Variants in HOXA13 observed in about 807,000 individuals in gnomAD.
HOXA13 encodes homeobox A13.
A neutral mutation model predicts 25.7 loss-of-function variants in HOXA13; 5 were observed. The ratio of observed to expected loss-of-function variants is 0.19; its 90% CI spans 0.10 to 0.41. The LOEUF (loss-of-function observed/expected upper bound fraction) is 0.41. Among genes scored for constraint, HOXA13 ranks in the 10% least tolerant of loss-of-function variants. The probability of loss-of-function intolerance (pLI) is 1.00; values close to 1 mark genes in which losing one functional copy is unlikely to be tolerated. For missense variants in HOXA13, 557 were observed against 533.5 expected (o/e 1.04, Z -0.43); for synonymous variants, 284 against 241.1 (o/e 1.18, Z -1.65).
chr7:27,197,723 T>C lies in HOXA13; in HGVS notation c.*475A>G, dbSNP rs1380670522. The C allele has an allele frequency of 2.0e-5, 5 of 255,436 alleles. No homozygotes were observed. In the East Asian group the frequency reaches 2.9e-4, roughly 15 times the overall value. 15.8% of individuals were successfully genotyped at this position (255,436 alleles called of 1,614,324 possible). A position where few individuals can be genotyped will look rare whatever the true frequency, so the allele number is the denominator to read the frequency against. ...TGTTTTGCAGAACGTACAACAACGG[T>C]AGGAATTTCACTAAGATTTACCTGA... is the stretch of plus-strand genomic sequence containing the variant. On this transcript the variant is annotated 3_prime_UTR_variant, in exon 2 of 2. Transcript: ENST00000649031.
At position 27,195,588 on chromosome 7, in the gene HOXA13, T is replaced by A. The variant is rs1434764793; in HGVS notation, c.*2610A>T. On this transcript the variant is annotated 3_prime_UTR_variant, in exon 2 of 2. Coordinates refer to ENST00000649031, the MANE Select transcript of HOXA13 (RefSeq NM_000522.5). ...TTATTATTATAGTTTTGATGGAAGT[T>A]GTTAATATTAAACATATTTATTTAT... 6.6e-6 allele frequency: 1 copy of A among 152,226 alleles called. No homozygotes were observed. Among genetic ancestry groups the A allele is most frequent in the African/African-American group, 2.4e-5 (1 of 41,460 alleles). The allele number at this position is 152,226 out of a possible 1,614,324, so 9.4% of individuals were successfully genotyped here.
At chr7:27,199,016 T>C (rs1271079059) in intron 1 of HOXA13, 140 bp downstream of exon 1, 3 of 775,276 alleles carry the variant, frequency 3.9e-6, no homozygotes, top group African/African-American at 1.8e-5. Context: ...CAGCCAGCCA[T>C]GCTCGGGCTC....
rs1315432970 is a variant in HOXA13 at position 27,196,887 on chromosome 7, A to C, written c.*1311T>G. On this transcript the variant is annotated 3_prime_UTR_variant, in exon 2 of 2. Transcript: ENST00000649031. ...TTTTCTGCAGATTTTAATGGCAGTG[A>C]CTATTTTATTAACAATTAATATTAC... 1 of 178,998 alleles carries C rather than the reference A, an allele frequency of 5.6e-6. No homozygotes were observed. Among genetic ancestry groups the C allele is most frequent in the Admixed American group, 6.3e-5 (1 of 15,884 alleles). 11.1% of individuals were successfully genotyped at this position (178,998 alleles called of 1,614,324 possible).
Position 27,199,556 on chromosome 7 carries a change from G to C in HOXA13, c.522C>G (p.Phe174Leu). The C allele has an allele frequency of 6.4e-7, 1 of 1,565,404 alleles. No homozygotes were observed. Among genetic ancestry groups the C allele is most frequent in the Non-Finnish European group, 8.6e-7 (1 of 1,157,140 alleles). Reference sequence around the variant, plus strand: ...GGGCGCACGGGTAGTAGCCGCTGCCGAAGTAGCCATAGGGCAGCGCCGCGG... The same window carrying C: ...GGGCGCACGGGTAGTAGCCGCTGCCCAAGTAGCCATAGGGCAGCGCCGCGG... ...SGPAALPYGY[F>L]GSGYYPCARM... Residue 174 changes from phenylalanine (F) to leucine (L), a missense_variant, in exon 1 of 2, where the codon TTC (phenylalanine) becomes TTG (leucine). Physicochemically the swap from Phe to Leu is conservative, Grantham distance 22. Coordinates refer to ENST00000649031, the MANE Select transcript of HOXA13 (RefSeq NM_000522.5).
intron 1 of HOXA13, 91 bp downstream of exon 1, chr7:27,199,065 A>C: frequency 1.5e-6 from 2 of 1,298,884 alleles, no homozygotes; most frequent in Non-Finnish European, 1.1e-6. Context: ...CAGGAAGAGA[A>C]CAGAAACGCA....
chr7:27,197,248 A>G lies in HOXA13; in HGVS notation c.*950T>C, dbSNP rs1040634921. 1 of 207,672 alleles carries G rather than the reference A, an allele frequency of 4.8e-6. No individual in the cohort carries two copies. The highest frequency in any genetic ancestry group is 2.3e-5 in the African/African-American group (1 of 43,966). 12.9% of individuals were successfully genotyped at this position (207,672 alleles called of 1,614,324 possible). A position where few individuals can be genotyped will look rare whatever the true frequency, so the allele number is the denominator to read the frequency against. On this transcript the variant is annotated 3_prime_UTR_variant, in exon 2 of 2. Coordinates refer to ENST00000649031, the MANE Select transcript of HOXA13 (RefSeq NM_000522.5). Reference sequence around the variant, plus strand: ...ATTCTGAGTTTTCTAAAAAAGAAAAAAGAAAAATGATTTCTCCAGCAAATG... The same window carrying G: ...ATTCTGAGTTTTCTAAAAAAGAAAAGAGAAAAATGATTTCTCCAGCAAATG...
Position 27,199,913 on chromosome 7 carries a change from G to GC in HOXA13, c.164dup (p.Gly56ArgfsTer171). ...CAGCCGCCGGGTGGGGGAAGCCCCC[G>GC]CCCCCGGCCCCGGCAGCCGCCGCCG... On this transcript the variant is annotated frameshift_variant, in exon 1 of 2. Transcript: ENST00000649031. LOFTEE classifies it high-confidence loss of function. The GC allele has an allele frequency of 8.7e-7, 1 of 1,149,404 alleles. No homozygotes were observed. The highest frequency in any genetic ancestry group is 1.1e-6 in the Non-Finnish European group (1 of 925,094). The allele number at this position is 1,149,404 out of a possible 1,614,324, so 71.2% of individuals were successfully genotyped here.
At position 27,200,006 on chromosome 7, in the gene HOXA13, G is replaced by A; in HGVS notation, c.72C>T (p.Gly24=). 3 of 1,483,772 alleles carry A rather than the reference G, an allele frequency of 2.0e-6. No individual in the cohort carries two copies. Among genetic ancestry groups the A allele is most frequent in the Admixed American group, 3.8e-5 (2 of 52,220 alleles). The allele number at this position is 1,483,772 out of a possible 1,614,324, so 91.9% of individuals were successfully genotyped here. Reference sequence around the variant, plus strand: ...TGTTGAGCTCGTCGGCCACCAGGCCGCCGCCGTTGTCGTAGAGAAACATGA... The same window carrying A: ...TGTTGAGCTCGTCGGCCACCAGGCCACCGCCGTTGTCGTAGAGAAACATGA... ...PTVMFLYDNG[G]GLVADELNKN... Residue 24 remains glycine, a synonymous_variant, in exon 1 of 2, where the codon GGC becomes GGT. Transcript: ENST00000649031.
Position 27,197,734 on chromosome 7 carries a change from C to G in HOXA13, c.*464G>C, listed in dbSNP as rs1784019868. 1 of 254,158 alleles carries G rather than the reference C, an allele frequency of 3.9e-6. No individual in the cohort carries two copies. Among genetic ancestry groups the G allele is most frequent in the Admixed American group, 4.9e-5 (1 of 20,260 alleles). 15.7% of individuals were successfully genotyped at this position (254,158 alleles called of 1,614,324 possible). ...ACGTACAACAACGGTAGGAATTTCA[C>G]TAAGATTTACCTGAGCAGACGCTTA... On this transcript the variant is annotated 3_prime_UTR_variant, in exon 2 of 2. Transcript: ENST00000649031.
Position 27,198,098 on chromosome 7 carries a change from C to T in HOXA13, c.*100G>A. Reference sequence around the variant, plus strand: ...CCAGTCTCTGTCTCTTTCTCTTTCCCATTCTTCAATTATTATTAAGCATTA... The same window carrying T: ...CCAGTCTCTGTCTCTTTCTCTTTCCTATTCTTCAATTATTATTAAGCATTA... On this transcript the variant is annotated 3_prime_UTR_variant, in exon 2 of 2. Coordinates refer to ENST00000649031, the MANE Select transcript of HOXA13 (RefSeq NM_000522.5). 1 of 1,312,116 alleles carries T rather than the reference C, an allele frequency of 7.6e-7. No homozygotes were observed. The highest frequency in any genetic ancestry group is 1.5e-5 in the African/African-American group (1 of 68,300). The allele number at this position is 1,312,116 out of a possible 1,614,324, so 81.3% of individuals were successfully genotyped here.
In HOXA13 at chr7:27,197,378, T is replaced by A. The variant is rs887491765; in HGVS notation, c.*820A>T. On this transcript the variant is annotated 3_prime_UTR_variant, in exon 2 of 2. Transcript: ENST00000649031. ...AACTCTCGGGAGATCTCACATAAAG[T>A]GAATTCTGTGGATCATCTGATGATG... 11 of 214,510 alleles carry A rather than the reference T, an allele frequency of 5.1e-5. No homozygotes were observed. The highest frequency in any genetic ancestry group is 1.8e-4 in the Admixed American group (3 of 17,092). 13.3% of individuals were successfully genotyped at this position (214,510 alleles called of 1,614,324 possible).
chr7:27,198,784 C>T (rs1784041810), intron 1 of HOXA13: 2 of 481,100 alleles, frequency 4.2e-6, no homozygotes, highest in East Asian at 7.5e-5. Context: ...GTGCCCGTCC[C>T]AATACTCGAA....
chr7:27,197,889 T>C lies in HOXA13; in HGVS notation c.*309A>G, dbSNP rs529737004. The C allele has an allele frequency of 2.2e-6, 1 of 457,092 alleles. No individual in the cohort carries two copies. Among genetic ancestry groups the C allele is most frequent in the South Asian group, 2.3e-5 (1 of 43,864 alleles). The allele number at this position is 457,092 out of a possible 1,614,324, so 28.3% of individuals were successfully genotyped here. A position where few individuals can be genotyped will look rare whatever the true frequency, so the allele number is the denominator to read the frequency against. Reference sequence around the variant, plus strand: ...AAAATGTAACGATCACTTAAATACTTACAAGATTTCAGTAACTGCGTAACT... The same window carrying C: ...AAAATGTAACGATCACTTAAATACTCACAAGATTTCAGTAACTGCGTAACT... On this transcript the variant is annotated 3_prime_UTR_variant, in exon 2 of 2. Coordinates refer to ENST00000649031, the MANE Select transcript of HOXA13 (RefSeq NM_000522.5).
Position 27,199,833 on chromosome 7 carries a change from G to A in HOXA13, c.245C>T (p.Ala82Val). The part of the protein sequence containing the change: ...VAAAAAAAAA[A>V]AANQCRNLMA... ...CAGGTTGCGGCACTGGTTGGCCGCGGCCGCCGCCGCAGCCGCGGCCGCCGC... is the reference window on the plus strand; with the variant it reads ...CAGGTTGCGGCACTGGTTGGCCGCGACCGCCGCCGCAGCCGCGGCCGCCGC... Residue 82 changes from alanine to valine, a missense_variant, in exon 1 of 2, where the codon GCC becomes GTC. By Grantham distance (64) the Ala-to-Val change is moderately conservative (BLOSUM62 0). Coordinates refer to ENST00000649031, the MANE Select transcript of HOXA13 (RefSeq NM_000522.5). 2.0e-6 allele frequency: 2 copies of A among 988,668 alleles called. No homozygotes were observed. The highest frequency in any genetic ancestry group is 2.4e-6 in the Non-Finnish European group (2 of 833,076). 61.2% of individuals were successfully genotyped at this position (988,668 alleles called of 1,614,324 possible).
rs1292684722 is a variant in HOXA13 at position 27,198,321 on chromosome 7, A to G, written c.1044T>C (p.Thr348=). 6.2e-7 allele frequency: 1 copy of G among 1,614,192 alleles called. No homozygotes were observed. The highest frequency in any genetic ancestry group is 8.5e-7 in the Non-Finnish European group (1 of 1,180,042). Residue 348 remains threonine, a synonymous_variant, in exon 2 of 2, where the codon ACT becomes ACC. Coordinates refer to ENST00000649031, the MANE Select transcript of HOXA13 (RefSeq NM_000522.5). ...EREYATNKFI[T]KDKRRRISAT... ...CTGATATCCGCCTCCGTTTGTCCTT[A>G]GTAATGAATTTATTCGTGGCGTATT... is the stretch of plus-strand genomic sequence containing the variant.
chr7:27,199,896 G>T lies in HOXA13; in HGVS notation c.182C>A (p.Pro61Gln), dbSNP rs1343509954. 1.9e-5 allele frequency: 21 copies of T among 1,101,412 alleles called. No individual in the cohort carries two copies. The highest frequency in any genetic ancestry group is 2.3e-5 in the Non-Finnish European group (21 of 900,966). The allele number at this position is 1,101,412 out of a possible 1,614,324, so 68.2% of individuals were successfully genotyped here. A position where few individuals can be genotyped will look rare whatever the true frequency, so the allele number is the denominator to read the frequency against. The change falls in exon 1 of 2, where the codon CCG becomes CAG. Residue 61 changes from proline (P) to glutamine (Q), a missense_variant. Coordinates refer to ENST00000649031, the MANE Select transcript of HOXA13 (RefSeq NM_000522.5). ...GTTGCCCCCTGCCGCCGCAGCCGCC[G>T]GGTGGGGGAAGCCCCCGCCCCCGGC... Reference protein sequence around the residue: ...AGAGGGGFPHPAAAAAGGNFS... With the variant: ...AGAGGGGFPHQAAAAAGGNFS...
At chr7:27,198,872 A>T in intron 1 of HOXA13, 1 of 505,278 alleles carries the variant, frequency 2.0e-6, no homozygotes, top group Non-Finnish European at 3.5e-6. Flanking sequence ...TCAATTTCTC[A>T]TCCTTAAATT....
chr7:27,198,525 C>A lies in HOXA13; in HGVS notation c.923-83G>T, dbSNP rs558767863. 1.2e-5 allele frequency: 18 copies of A among 1,563,944 alleles called. No individual in the cohort carries two copies. In the South Asian group the frequency reaches 1.8e-4, roughly 15 times the overall value. ...GCGACAGCTCGATCTGAGCCACCCG[C>A]CTTGCAGCGCCCGGCTGCTCTTTGC... On this transcript the variant is annotated intron_variant, in intron 1 of 1. Transcript: ENST00000649031.
Position 27,198,236 on chromosome 7 carries a change from C to A in HOXA13, c.1129G>T (p.Glu377Ter). The A allele has an allele frequency of 6.2e-7, 1 of 1,614,136 alleles. No individual in the cohort carries two copies. The highest frequency in any genetic ancestry group is 1.1e-5 in the South Asian group (1 of 91,078). Residue 377 changes from glutamate to a stop codon, truncating the protein, a stop_gained, in exon 2 of 2, where the codon GAG becomes TAG. Coordinates refer to ENST00000649031, the MANE Select transcript of HOXA13 (RefSeq NM_000522.5). LOFTEE classifies it high-confidence loss of function. ...TTCAGTTTGTTGATGACTTTTTTCTCTTTAACCCTCCTGTTCTGGAACCAG... is the reference window on the plus strand; with the variant it reads ...TTCAGTTTGTTGATGACTTTTTTCTATTTAACCCTCCTGTTCTGGAACCAG... Reference protein sequence around the residue: ...TIWFQNRRVKEKKVINKLKTT... With the variant: ...TIWFQNRRVK
Sources: gnomAD v4.1 joint callset for allele counts on GRCh38, gnomAD v4.1.1 for gene constraint, MANE v1.5 for transcripts, NCBI Gene and HGNC (gene_info 2026-07-23, HGNC 2026-07-21) for gene names.